Variants in SH3GL2 observed in about 807,000 individuals in gnomAD.
SH3GL2 encodes the protein endophilin-A1.
In SH3GL2, 24 loss-of-function variants were observed where a neutral mutation model predicts 46.0. That is an observed-to-expected ratio of 0.52 (90% confidence interval 0.38 to 0.73). SH3GL2 has a LOEUF of 0.73. SH3GL2 is among the 30% of genes least tolerant of loss of function. The probability of loss-of-function intolerance (pLI) is 0.00; values close to 1 mark genes in which losing one functional copy is unlikely to be tolerated. For missense variants in SH3GL2, 413 were observed against 424.2 expected, an observed-to-expected ratio of 0.97 and a Z score of 0.23; for synonymous variants, 196 against 147.1, an observed-to-expected ratio of 1.33 and a Z score of -2.40.
intron 1 of SH3GL2, among the ~76,000 whole-genome samples, chr9:17,711,523 T>C (rs1365947942): frequency 6.6e-6 from 1 of 151,850 alleles, no homozygotes; most frequent in Non-Finnish European, 1.5e-5. Context: ...TTACCATAGA[T>C]TAGTTTGAGT....
At chr9:17,793,290 T>C (rs1824186806) in intron 7 of SH3GL2, 77 bp from the exon 8 acceptor site, 1 of 1,346,362 alleles carries the variant, frequency 7.4e-7, no homozygotes, top group Non-Finnish European at 1.0e-6. Context: ...AAGCATTTCC[T>C]GAATCTTTAT....
At chr9:17,645,250 A>AGATGGGTCTCCTGAATACAACACACT (rs1352978415) in intron 1 of SH3GL2, among the ~76,000 whole-genome samples, 3 of 137,408 alleles carry the variant, frequency 2.2e-5, no homozygotes, top group Non-Finnish European at 3.1e-5. Context: ...TTTGCACATG[A>AGATGGGTCTCCTGAATACAACACACT]GATGGGTCTC....
rs369843560 is a variant in SH3GL2 at position 17,717,082 on chromosome 9, A to G, written c.46-29984A>G. 3.9e-5 allele frequency among the ~76,000 whole-genome samples: 6 copies of G among 152,178 alleles called. No homozygotes were observed. In the East Asian group the frequency reaches 9.7e-4, roughly 25 times the overall value. ...ATCTATATCTTTAAAGGCGTTCATT[A>G]TGGTCCAGTGGGAACAGCAATATAA... is the stretch of plus-strand genomic sequence containing the variant. On this transcript the variant is annotated intron_variant, in intron 1 of 8. Transcript: ENST00000380607.
At chr9:17,740,792 G>C (rs1822506554) in intron 1 of SH3GL2, among the ~76,000 whole-genome samples, 1 of 151,228 alleles carries the variant, frequency 6.6e-6, no homozygotes, top group South Asian at 2.1e-4. Flanking sequence ...TTTAAATTAT[G>C]ATTTTTGACA....
intron 1 of SH3GL2, among the ~76,000 whole-genome samples, chr9:17,746,618 T>G (rs1392114373): frequency 2.6e-5 from 4 of 152,180 alleles, no homozygotes; most frequent in African/African-American, 9.7e-5. Context: ...TTCATAACAG[T>G]TTGATAGATG....
intron 3 of SH3GL2, among the ~76,000 whole-genome samples, chr9:17,779,353 C>T (rs758868197): frequency 4.6e-5 from 7 of 152,012 alleles, no homozygotes; most frequent in Non-Finnish European, 8.8e-5. Flanking sequence ...ACTTTGAGTC[C>T]CACAGGAAAT....
At chr9:17,692,041 T>G (rs1821091708) in intron 1 of SH3GL2, among the ~76,000 whole-genome samples, 1 of 152,160 alleles carries the variant, frequency 6.6e-6, no homozygotes, top group Non-Finnish European at 1.5e-5. Context: ...TGGCATGACC[T>G]GTGTGCACAT....
intron 1 of SH3GL2, among the ~76,000 whole-genome samples, chr9:17,599,950 T>C (rs1170427240): frequency 6.6e-6 from 1 of 152,164 alleles, no homozygotes; most frequent in Non-Finnish European, 1.5e-5. Context: ...CTTTTTTTTT[T>C]TTCTAATCTG....
At chr9:17,772,817 A>G (rs1823528015) in intron 3 of SH3GL2, among the ~76,000 whole-genome samples, 1 of 152,210 alleles carries the variant, frequency 6.6e-6, no homozygotes, top group South Asian at 2.1e-4. Flanking sequence ...GTATACAAAT[A>G]TCACTCTGAA....
chr9:17,743,435 G>C (rs1822586839), intron 1 of SH3GL2, among the ~76,000 whole-genome samples: 1 of 152,030 alleles, frequency 6.6e-6, no homozygotes, highest in African/African-American at 2.4e-5. Context: ...CGCTATATTT[G>C]GTGAACTGTC....
At chr9:17,647,046 G>A (rs1819836525) in intron 1 of SH3GL2, among the ~76,000 whole-genome samples, 1 of 152,286 alleles carries the variant, frequency 6.6e-6, no homozygotes, top group East Asian at 1.9e-4. Flanking sequence ...GACCGGGGCT[G>A]TTGCCTTTCC....
chr9:17,588,103 G>A (rs1818414130), intron 1 of SH3GL2, among the ~76,000 whole-genome samples: 1 of 152,112 alleles, frequency 6.6e-6, no homozygotes, highest in Non-Finnish European at 1.5e-5. Context: ...GTTGCTCAAA[G>A]TCTTTTTCAT....
At chr9:17,777,727 T>C (rs970105054) in intron 3 of SH3GL2, among the ~76,000 whole-genome samples, 4 of 152,110 alleles carry the variant, frequency 2.6e-5, no homozygotes, top group Admixed American at 6.6e-5. Flanking sequence ...TCCTCTCTTA[T>C]AAGGTTACCA....
At chr9:17,603,231 G>A (rs542198731) in intron 1 of SH3GL2, among the ~76,000 whole-genome samples, 1 of 152,296 alleles carries the variant, frequency 6.6e-6, no homozygotes, top group Middle Eastern at 3.4e-3. Context: ...GTATGCCAAT[G>A]TTCCTTGCAG....
At chr9:17,614,652 A>G (rs1208650630) in intron 1 of SH3GL2, among the ~76,000 whole-genome samples, 1 of 152,140 alleles carries the variant, frequency 6.6e-6, no homozygotes, top group East Asian at 1.9e-4. Flanking sequence ...TGTGAGCTGT[A>G]TATTACTACT....
chr9:17,738,641 T>TATATATATATAGAGAGAGAGAG (rs376280314), intron 1 of SH3GL2, among the ~76,000 whole-genome samples: 8 of 88,880 alleles, frequency 9.0e-5, no homozygotes, highest in East Asian at 4.1e-4. Flanking sequence ...TATATATATA[T>TATATATATATAGAGAGAGAGAG]AGAGAGAGAG....
chr9:17,731,676 A>C (rs1354985444), intron 1 of SH3GL2, among the ~76,000 whole-genome samples: 1 of 152,166 alleles, frequency 6.6e-6, no homozygotes, highest in African/African-American at 2.4e-5. Context: ...GTATTTTGTT[A>C]TGACAGCCCA....
At chr9:17,698,476 A>AT (rs1266562617) in intron 1 of SH3GL2, among the ~76,000 whole-genome samples, 2 of 152,180 alleles carry the variant, frequency 1.3e-5, no homozygotes, top group African/African-American at 2.4e-5. Context: ...CTTGGAAAGT[A>AT]TTTTTTTAAA....
At chr9:17,650,195 A>G (rs185425022) in intron 1 of SH3GL2, among the ~76,000 whole-genome samples, 7 of 152,328 alleles carry the variant, frequency 4.6e-5, no homozygotes, top group African/African-American at 1.7e-4. Context: ...TGTGTTTGAT[A>G]AAAAGTAAGT....
Sources: allele counts gnomAD v4.1 joint callset (sites outside exome capture counted in the v4.1 genomes callset), GRCh38; gene constraint gnomAD v4.1.1; transcripts MANE v1.5; gene names NCBI Gene and HGNC (gene_info 2026-07-23, HGNC 2026-07-21).